The following ITGAD variants were observed in gnomAD, a reference collection of about 807,000 sequenced individuals.
ITGAD encodes integrin subunit alpha D.
A neutral mutation model predicts 139.0 loss-of-function variants in ITGAD; 105 were observed. That is an observed-to-expected ratio of 0.76 (90% CI 0.65 to 0.89). ITGAD has a LOEUF of 0.89. ITGAD is among the 40% of genes least tolerant of loss of function. The probability of loss-of-function intolerance (pLI) is 0.00; values close to 1 mark genes in which losing one functional copy is unlikely to be tolerated. For missense variants in ITGAD, 1,384 were observed against 1,487.3 expected (o/e 0.93, Z 1.14); for synonymous variants, 569 against 598.3 (o/e 0.95, Z 0.71).
At position 31,408,494 on chromosome 16, in the gene ITGAD, C is replaced by T. The variant is rs760416449; in HGVS notation, c.1079C>T (p.Thr360Ile). The change falls in exon 10 of 30, where the codon ACA becomes ATA. Residue 360 changes from threonine (T) to isoleucine (I), a missense_variant. Coordinates refer to ENST00000389202, the MANE Select transcript of ITGAD (RefSeq NM_005353.3). ...MSQEGFSTAL[T>I]MDGLFLGAVG... ...CAAGAAGGCTTCAGCACAGCCCTCA[C>T]AATGGTGGGTAGAGCCTGCCCTCAA... 6.2e-7 allele frequency: 1 copy of T among 1,613,696 alleles called. No individual in the cohort carries two copies. Among genetic ancestry groups the T allele is most frequent in the South Asian group, 1.1e-5 (1 of 91,078 alleles).
Position 31,426,111 on chromosome 16 carries a change from A to G in ITGAD, c.3469A>G (p.Asn1157Asp). The G allele has an allele frequency of 1.9e-6, 3 of 1,610,590 alleles. No homozygotes were observed. Among genetic ancestry groups the G allele is most frequent in the Non-Finnish European group, 2.5e-6 (3 of 1,176,878 alleles). ...SGDDFSCVAP[N>D]VPLS The stretch of plus-strand genomic sequence containing the variant: ...GGACGATTTCAGCTGTGTGGCCCCA[A>G]ATGTGCCTTTGTCCTAATAATCCAC... The change falls in exon 30 of 30, where the codon AAT becomes GAT. Residue 1157 changes from asparagine to aspartate, a missense_variant. Asn to Asp is a conservative substitution (Grantham distance 23). Transcript: ENST00000389202.
In ITGAD at chr16:31,416,378, C is replaced by T. The variant is rs1006039583; in HGVS notation, c.2357+92C>T. 34 of 1,508,214 alleles carry T rather than the reference C, an allele frequency of 2.3e-5. No individual in the cohort carries two copies. The South Asian group carries it at 3.9e-4, about 17-fold the overall frequency. The allele number at this position is 1,508,214 out of a possible 1,614,324, so 93.4% of individuals were successfully genotyped here. ...TGTGCTGCTCTCTGGCTCTTTCTAACAAAAGTGATGTTCACTGGATTGTTA... is the reference window on the plus strand; with the variant it reads ...TGTGCTGCTCTCTGGCTCTTTCTAATAAAAGTGATGTTCACTGGATTGTTA... On this transcript the variant is annotated intron_variant, in intron 19 of 29. Transcript: ENST00000389202.
intron 16 of ITGAD, among the ~76,000 whole-genome samples, chr16:31,413,751 A>G (rs1403144170): frequency 6.6e-6 from 1 of 152,022 alleles, no homozygotes; most frequent in East Asian, 1.9e-4. Context: ...CTTTTCGTAA[A>G]TGCACCAGCT....
At position 31,393,388 on chromosome 16, in the gene ITGAD, A is replaced by C; in HGVS notation, c.28A>C (p.Ser10Arg). 1 of 1,613,678 alleles carries C rather than the reference A, an allele frequency of 6.2e-7. No homozygotes were observed. Among genetic ancestry groups the C allele is most frequent in the Non-Finnish European group, 8.5e-7 (1 of 1,179,926 alleles). ...GACCTTCGGCACTGTGCTTCTTCTG[A>C]GTGGTAAGTGGGGCCAGGGTGCTGG... MTFGTVLLL[S>R]VLASYHGFNL... is the part of the protein sequence containing the mutation. The change falls in exon 1 of 30, where the codon AGT (serine) becomes CGT (arginine). Residue 10 changes from serine (S) to arginine (R), a missense_variant. By Grantham distance (110) the Ser-to-Arg change is moderately radical. Transcript: ENST00000389202.
Position 31,411,342 on chromosome 16 carries a change from G to C in ITGAD, c.1532G>C (p.Gly511Ala). The C allele has an allele frequency of 6.2e-7, 1 of 1,613,934 alleles. No individual in the cohort carries two copies. Among genetic ancestry groups the C allele is most frequent in the Non-Finnish European group, 8.5e-7 (1 of 1,179,900 alleles). Residue 511 changes from glycine to alanine, a missense_variant, in exon 14 of 30, where the codon GGT becomes GCT. Physicochemically the swap from Gly to Ala is moderately conservative, Grantham distance 60. Transcript: ENST00000389202. ...VQWQCDAVLR[G>A]EQGHPWGRFG... is the part of the protein sequence containing the mutation. Reference sequence around the variant, plus strand: ...TGGCAGTGTGACGCTGTTCTCCGTGGTGAGCAGGGCCACCCCTGGGGCCGC... The same window carrying C: ...TGGCAGTGTGACGCTGTTCTCCGTGCTGAGCAGGGCCACCCCTGGGGCCGC...
Position 31,411,407 on chromosome 16 carries a change from G to C in ITGAD, c.1597G>C (p.Asp533His), listed in dbSNP as rs151056624. 31 of 1,614,008 alleles carry C rather than the reference G, an allele frequency of 1.9e-5. No individual in the cohort carries two copies. In the Middle Eastern group the frequency reaches 4.9e-4, roughly 26 times the overall value. The part of the protein sequence containing the change: ...ALTVLGDVNE[D>H]KLIDVAIGAP... ...GACAGTGTTGGGGGATGTGAATGAG[G>C]ACAAGCTGATAGACGTGGCCATTGG... is the stretch of plus-strand genomic sequence containing the variant. Residue 533 changes from aspartate to histidine, a missense_variant, in exon 14 of 30, where the codon GAC becomes CAC. By Grantham distance (81) the Asp-to-His change is moderately conservative (BLOSUM62 -1). Coordinates refer to ENST00000389202, the MANE Select transcript of ITGAD (RefSeq NM_005353.3).
In ITGAD at chr16:31,407,579, A is replaced by T; in HGVS notation, c.769A>T (p.Thr257Ser). Residue 257 changes from threonine (T) to serine (S), a missense_variant, in exon 8 of 30, where the codon ACA (threonine) becomes TCA (serine). Physicochemically the swap from Thr to Ser is moderately conservative, Grantham distance 58 (BLOSUM62 1). Coordinates refer to ENST00000389202, the MANE Select transcript of ITGAD (RefSeq NM_005353.3). ...KSAKKILIVI[T>S]DGQKYKDPLE... is the part of the protein sequence containing the mutation. ...TGCCAAGAAGATCCTCATTGTCATC[A>T]CAGATGGGCAGAAGTACAAAGACCC... The T allele has an allele frequency of 6.2e-7, 1 of 1,613,054 alleles. No homozygotes were observed. The highest frequency in any genetic ancestry group is 8.5e-7 in the Non-Finnish European group (1 of 1,179,504).
chr16:31,410,293 G>A, intron 10 of ITGAD, 102 bp from the exon 11 acceptor site: 4 of 1,537,196 alleles, frequency 2.6e-6, no homozygotes, highest in Non-Finnish European at 1.8e-6. Context: ...AGACAGAGAA[G>A]AAAAGCCTGG....
intron 5 of ITGAD, 78 bp downstream of exon 5, chr16:31,397,987 G>C (rs1318267981): frequency 8.9e-7 from 1 of 1,123,846 alleles, no homozygotes; most frequent in Admixed American, 2.1e-5. Flanking sequence ...GCCTGTGTCT[G>C]GGCCCCTGTG....
chr16:31,400,498 A>T (rs1052170376), intron 5 of ITGAD, among the ~76,000 whole-genome samples: 2 of 152,166 alleles, frequency 1.3e-5, no homozygotes, highest in Non-Finnish European at 2.9e-5. Context: ...CACAGGCCAC[A>T]CACCCCCCAT....
At chr16:31,414,765 C>A in intron 17 of ITGAD, 95 bp from the exon 18 acceptor site, 1 of 1,561,886 alleles carries the variant, frequency 6.4e-7, no homozygotes, top group Non-Finnish European at 8.7e-7. Flanking sequence ...TTGGAGGGAG[C>A]ACTGTCAGGG....
chr16:31,416,761 TCTCA>T, intron 20 of ITGAD, 115 bp downstream of exon 20: 31 of 956,556 alleles, frequency 3.2e-5, no homozygotes, highest in South Asian at 8.4e-5. Context: ...TCTCTCTCTC[TCTCA>T]CACACACACA....
Position 31,424,575 on chromosome 16 carries a change from A to G in ITGAD, c.3370A>G (p.Lys1124Glu). 6.3e-7 allele frequency: 1 copy of G among 1,578,054 alleles called. No homozygotes were observed. Among genetic ancestry groups the G allele is most frequent in the Non-Finnish European group, 8.6e-7 (1 of 1,165,940 alleles). ...LLALITATLYKLGFFKRHYKE... is the reference protein window; with the variant it reads ...LLALITATLYELGFFKRHYKE... ...GGCGCTCATCACAGCCACACTGTACAAGGCAAGTGTTTTATCCAACTCTTT... is the reference window on the plus strand; with the variant it reads ...GGCGCTCATCACAGCCACACTGTACGAGGCAAGTGTTTTATCCAACTCTTT... The change falls in exon 29 of 30, where the codon AAG becomes GAG. Residue 1124 changes from lysine to glutamate, a missense_variant and splice_region_variant. Lys to Glu is a moderately conservative substitution (Grantham distance 56). Transcript: ENST00000389202.
chr16:31,402,304 G>C, intron 6 of ITGAD, 59 bp downstream of exon 6: 1 of 1,372,070 alleles, frequency 7.3e-7, no homozygotes, highest in South Asian at 1.3e-5. Flanking sequence ...GCCTCGGGGA[G>C]GCATCCCGGG....
chr16:31,414,832 A>AG, intron 17 of ITGAD, 28 bp from the exon 18 acceptor site: 1 of 1,612,040 alleles, frequency 6.2e-7, no homozygotes, highest in South Asian at 1.1e-5. Context: ...AGAGGACAGC[A>AG]GGTTCTTGAA....
intron 16 of ITGAD, 61 bp from the exon 17 acceptor site, chr16:31,414,390 G>GAAAACA: frequency 6.4e-7 from 1 of 1,570,230 alleles, no homozygotes; most frequent in Non-Finnish European, 8.7e-7. Flanking sequence ...AACAAATAAT[G>GAAAACA]AAAACAGAGC....
Position 31,412,942 on chromosome 16 carries a change from G to A in ITGAD, c.1812G>A (p.Gly604=), listed in dbSNP as rs770222466. 43 of 1,610,124 alleles carry A rather than the reference G, an allele frequency of 2.7e-5. No individual in the cohort carries two copies. The highest frequency in any genetic ancestry group is 3.2e-5 in the Non-Finnish European group (38 of 1,178,226). Residue 604 remains glycine, a synonymous_variant, in exon 15 of 30, where the codon GGG becomes GGA. Coordinates refer to ENST00000389202, the MANE Select transcript of ITGAD (RefSeq NM_005353.3). ...ATGGACTGATGGACCTGGCCGTGGG[G>A]GCCCGGGGCCAGGTGCTCCTGCTCA... The part of the protein sequence containing the change: ...TQDGLMDLAV[G]ARGQVLLLRS...
chr16:31,417,210 ATATTTATTTATTTATT>A (rs201764894), intron 20 of ITGAD, among the ~76,000 whole-genome samples: 22 of 122,828 alleles, frequency 1.8e-4, no homozygotes, highest in African/African-American at 5.6e-4. Flanking sequence ...CGCCCAGCTA[ATATTTATTTATTTATT>A]TATTTATTTA....
At chr16:31,416,309 T>A in intron 19 of ITGAD, 23 bp downstream of exon 19, 1 of 1,584,516 alleles carries the variant, frequency 6.3e-7, no homozygotes, top group African/African-American at 1.3e-5. Flanking sequence ...TCCCTTCATA[T>A]CCAGACACTC....
Sources: allele counts gnomAD v4.1 joint callset (sites outside exome capture counted in the v4.1 genomes callset), GRCh38; gene constraint gnomAD v4.1.1; transcripts MANE v1.5; gene names NCBI Gene and HGNC (gene_info 2026-07-23, HGNC 2026-07-21).